ITPK1: variants seen among roughly 807,000 people sequenced by gnomAD.
ITPK1 encodes inositol-tetrakisphosphate 1-kinase.
A neutral mutation model predicts 45.3 loss-of-function variants in ITPK1; 21 were observed. That is an observed-to-expected ratio of 0.46 (90% CI 0.33 to 0.67). The LOEUF (loss-of-function observed/expected upper bound fraction) is 0.67, where lower values mean the gene tolerates loss of function less well. Among genes scored for constraint, ITPK1 ranks in the 30% least tolerant of loss-of-function variants. ITPK1 has a pLI of 0.02. For missense variants in ITPK1, 474 were observed against 573.5 expected (o/e 0.83, Z 1.77); for synonymous variants, 258 against 253.6 (o/e 1.02, Z -0.16).
At chr14:93,018,767 A>G (rs574752354) in intron 3 of ITPK1, among the ~76,000 whole-genome samples, 1 of 152,202 alleles carries the variant, frequency 6.6e-6, no homozygotes, top group African/African-American at 2.4e-5. Context: ...GGGGCCGGGG[A>G]AGACGCTCCC....
chr14:93,061,066 A>G (rs1890498751), intron 3 of ITPK1, among the ~76,000 whole-genome samples: 1 of 152,192 alleles, frequency 6.6e-6, no homozygotes, highest in Non-Finnish European at 1.5e-5. Context: ...CTAGGGAATC[A>G]CTGGAGGGAT....
rs147039492 is a variant in ITPK1, at chr14:93,079,608, C to T, written c.96-2989G>A. Among the ~76,000 whole-genome samples the T allele has an allele frequency of 5.3e-3, 812 of 152,314 alleles. 5 individuals carry two copies. Among genetic ancestry groups the T allele is most frequent in the African/African-American group, 0.019 (784 of 41,566 alleles). The stretch of plus-strand genomic sequence containing the variant: ...AGGTGGCAGCGGAAAACTGCATCCC[C>T]TCTGGTGGTGGAATCCCACATGCAC... On this transcript the variant is annotated intron_variant, in intron 2 of 10. Transcript: ENST00000267615.
intron 3 of ITPK1, among the ~76,000 whole-genome samples, chr14:93,024,173 C>T (rs1197863795): frequency 4.6e-5 from 7 of 152,198 alleles, no homozygotes; most frequent in Admixed American, 3.9e-4. Context: ...GGATCCCACA[C>T]ATGAACCTCC....
chr14:92,959,262 G>A (rs1029921875), intron 7 of ITPK1, among the ~76,000 whole-genome samples: 1 of 152,206 alleles, frequency 6.6e-6, no homozygotes, highest in African/African-American at 2.4e-5. Context: ...TGGTGCCAGG[G>A]TCATGGCTAA....
intron 4 of ITPK1, among the ~76,000 whole-genome samples, chr14:93,013,726 C>A (rs1888033177): frequency 6.6e-6 from 1 of 152,222 alleles, no homozygotes; most frequent in Non-Finnish European, 1.5e-5. Flanking sequence ...ATCCCTATCC[C>A]TCCCAGTCCT....
Position 92,941,543 on chromosome 14 carries a change from TG to T in ITPK1, c.*17del. The T allele has an allele frequency of 6.6e-7, 1 of 1,518,754 alleles. No individual in the cohort carries two copies. 94.1% of individuals were successfully genotyped at this position (1,518,754 alleles called of 1,614,324 possible). A position where few individuals can be genotyped will look rare whatever the true frequency, so the allele number is the denominator to read the frequency against. On this transcript the variant is annotated 3_prime_UTR_variant, in exon 11 of 11. Transcript: ENST00000267615. ...TGCTCTGCGCCCTGCGCTGCCCCTC[TG>T]GGTCCCGGCTCCGTGGCTACTGGGA...
intron 8 of ITPK1, among the ~76,000 whole-genome samples, chr14:92,957,230 C>G (rs1054110029): frequency 6.6e-6 from 1 of 152,252 alleles, no homozygotes; most frequent in Non-Finnish European, 1.5e-5. Flanking sequence ...CTGAACGCTT[C>G]TGATGATGTG....
intron 5 of ITPK1, among the ~76,000 whole-genome samples, chr14:92,972,169 CCCACAGCCTTTCCAGGCCT>C (rs1200481515): frequency 1.3e-5 from 2 of 152,228 alleles, no homozygotes; most frequent in Non-Finnish European, 2.9e-5. Context: ...GCGAGTGAAG[CCCACAGCCTTTCCAGGCCT>C]CCGCAGCCTG....
In ITPK1 at chr14:92,937,390, T is replaced by C. The variant is rs945556516; in HGVS notation, c.*4171A>G. 2 of 152,170 alleles carry C rather than the reference T, an allele frequency of 1.3e-5. No individual in the cohort carries two copies. Among genetic ancestry groups the C allele is most frequent in the African/African-American group, 2.4e-5 (1 of 41,408 alleles). The allele number at this position is 152,170 out of a possible 1,614,324, so 9.4% of individuals were successfully genotyped here. A position where few individuals can be genotyped will look rare whatever the true frequency, so the allele number is the denominator to read the frequency against. On this transcript the variant is annotated 3_prime_UTR_variant, in exon 11 of 11. Coordinates refer to ENST00000267615, the MANE Select transcript of ITPK1 (RefSeq NM_014216.6). Reference sequence around the variant, plus strand: ...TCTGAGAGGTGATTCCACACAGCCCTGGAGGAAGGGGGTCGGCCAGGCTGC... The same window carrying C: ...TCTGAGAGGTGATTCCACACAGCCCCGGAGGAAGGGGGTCGGCCAGGCTGC...
intron 4 of ITPK1, among the ~76,000 whole-genome samples, chr14:92,995,447 C>A (rs935445670): frequency 1.3e-5 from 2 of 152,250 alleles, no homozygotes; most frequent in Non-Finnish European, 2.9e-5. Flanking sequence ...CCAAAAGCCA[C>A]TTTTAACACA....
rs966880894 is a variant in ITPK1 at position 93,014,627 on chromosome 14, G to A, written c.246+2049C>T. Among the ~76,000 whole-genome samples, 2 of 152,210 alleles carry A rather than the reference G, an allele frequency of 1.3e-5. No homozygotes were observed. The highest frequency in any genetic ancestry group is 2.4e-5 in the African/African-American group (1 of 41,446). ...GGAACAAGGATCTGCCTTGAAGACA[G>A]TTTGACTCCCAAGTCCTCCGCCTCA... On this transcript the variant is annotated intron_variant, in intron 4 of 10. Transcript: ENST00000267615. The surrounding 1 kb of genome is among the most constrained non-coding windows in gnomAD (Gnocchi z 4.4).
intron 3 of ITPK1, among the ~76,000 whole-genome samples, chr14:93,053,372 C>A (rs113535198): frequency 7.6e-4 from 116 of 152,282 alleles, no homozygotes; most frequent in African/African-American, 2.7e-3. Flanking sequence ...TGGTTCCCCA[C>A]CCGCCCCTCT....
chr14:93,047,258 G>A (rs1250718888), intron 3 of ITPK1, among the ~76,000 whole-genome samples: 1 of 152,170 alleles, frequency 6.6e-6, no homozygotes, highest in East Asian at 1.9e-4. Context: ...CTCACTTTGG[G>A]GTGGGCAAGT....
At chr14:92,964,031 TA>T (rs1285900562) in intron 5 of ITPK1, among the ~76,000 whole-genome samples, 1 of 152,178 alleles carries the variant, frequency 6.6e-6, no homozygotes, top group Non-Finnish European at 1.5e-5. Context: ...TAAATCAAGG[TA>T]GATCCAGCCT....
intron 5 of ITPK1, among the ~76,000 whole-genome samples, chr14:92,991,452 G>A (rs529665699): frequency 2.0e-5 from 3 of 152,032 alleles, no homozygotes; most frequent in Non-Finnish European, 4.4e-5. Context: ...AACCAAGCAT[G>A]CGTTAGGGTT....
At chr14:92,945,754 G>A (rs1311107668) in intron 10 of ITPK1, among the ~76,000 whole-genome samples, 1 of 152,108 alleles carries the variant, frequency 6.6e-6, no homozygotes, top group Non-Finnish European at 1.5e-5. Context: ...AGAGCTGAGG[G>A]GCACATGGCA....
intron 2 of ITPK1, among the ~76,000 whole-genome samples, chr14:93,104,033 G>A (rs35835377): frequency 0.18 from 26,849 of 152,072 alleles, 2,494 homozygotes; most frequent in South Asian, 0.28. Context: ...TGGGTGGAGG[G>A]GGAATCCTAT....
Position 92,941,685 on chromosome 14 carries a change from G to A in ITPK1, c.1121C>T (p.Ala374Val), listed in dbSNP as rs1383316744. The stretch of plus-strand genomic sequence containing the variant: ...GGCGGTGCCGCCCGCGTCGGCCTCA[G>A]CCTTCCAGGGCGCGTCCTGGCCCAT... ...SMMGQDAPWK[A>V]EADAGGTAKL... The change falls in exon 11 of 11, where the codon GCT (alanine) becomes GTT (valine). Residue 374 changes from alanine (A) to valine (V), a missense_variant. Physicochemically the swap from Ala to Val is moderately conservative, Grantham distance 64. This residue lies in a region of ITPK1 where 107 missense variants were observed against 92.9 expected (regional missense o/e 1.15). Coordinates refer to ENST00000267615, the MANE Select transcript of ITPK1 (RefSeq NM_014216.6). The A allele has an allele frequency of 1.9e-6, 3 of 1,550,034 alleles. No homozygotes were observed. In the South Asian group the frequency reaches 3.5e-5, roughly 18 times the overall value.
Position 93,111,697 on chromosome 14 carries a change from C to T in ITPK1, c.95+3372G>A, listed in dbSNP as rs1385337119. On this transcript the variant is annotated intron_variant, in intron 2 of 10. Coordinates refer to ENST00000267615, the MANE Select transcript of ITPK1 (RefSeq NM_014216.6). ...CTGCACTCCAGGCTGGGCGACAAAG[C>T]GAGACTCCACCTCAAAAAAAAAAAA... 4.4e-5 allele frequency among the ~76,000 whole-genome samples: 6 copies of T among 137,598 alleles called. No individual in the cohort carries two copies. In the East Asian group the frequency reaches 8.4e-4, roughly 19 times the overall value. 90.3% of individuals were successfully genotyped at this position (137,598 alleles called of 152,430 possible). A position where few individuals can be genotyped will look rare whatever the true frequency, so the allele number is the denominator to read the frequency against.
Sources: gnomAD v4.1 joint callset for allele counts (sites outside exome capture counted in the v4.1 genomes callset) on GRCh38, gnomAD v4.1.1 for gene constraint, gnomAD v4.1.1 regional missense constraint, Gnocchi (gnomAD v3.1) non-coding constraint, MANE v1.5 for transcripts, NCBI Gene and HGNC (gene_info 2026-07-23, HGNC 2026-07-21) for gene names.